The following IL1RAPL2 variants were observed in gnomAD, a reference collection of about 807,000 sequenced individuals.
The protein encoded by IL1RAPL2 is X-linked interleukin-1 receptor accessory protein-like 2.
IL1RAPL2 carries 3 observed loss-of-function variants against 44.1 expected under a neutral mutation model. That is an observed-to-expected ratio of 0.07 (90% CI 0.03 to 0.18). The LOEUF is 0.18. Ranked by LOEUF, IL1RAPL2 falls within the 10% of genes least tolerant of loss-of-function variation. The probability of loss-of-function intolerance (pLI) is 1.00; values close to 1 mark genes in which losing one functional copy is unlikely to be tolerated. For missense variants in IL1RAPL2, 391 were observed against 496.4 expected, an observed-to-expected ratio of 0.79 and a Z score of 2.02; for synonymous variants, 181 against 178.8, an observed-to-expected ratio of 1.01 and a Z score of -0.10.
chrX:105,653,555 TTTTCTTCC>T (rs1264721872), intron 6 of IL1RAPL2, among the ~76,000 whole-genome samples: 2 of 109,072 alleles, frequency 1.8e-5, no homozygotes, highest in East Asian at 5.8e-4. Flanking sequence ...CCCTTCCTTT[TTTTCTTCC>T]TTTCTTCCTT....
intron 2 of IL1RAPL2, among the ~76,000 whole-genome samples, chrX:105,062,776 G>C (rs2032091209): frequency 1.8e-5 from 2 of 111,565 alleles, no homozygotes; most frequent in Admixed American, 1.9e-4. Flanking sequence ...TAGCCTGTAA[G>C]GTTTCCACTC....
At chrX:104,991,006 T>A (rs1250998446) in intron 2 of IL1RAPL2, among the ~76,000 whole-genome samples, 4 of 111,211 alleles carry the variant, frequency 3.6e-5, no homozygotes, top group African/African-American at 9.8e-5. Flanking sequence ...ACTAAATGCA[T>A]GAGAATTGGC....
chrX:104,823,890 G>T, intron 2 of IL1RAPL2, among the ~76,000 whole-genome samples: 1 of 111,603 alleles, frequency 9.0e-6, no homozygotes, highest in Non-Finnish European at 1.9e-5. Flanking sequence ...TCTTTCTCTT[G>T]CCTGATTGCC....
intron 8 of IL1RAPL2, 92 bp from the exon 9 acceptor site, chrX:105,748,866 CAG>C (rs2038572396): frequency 3.4e-6 from 3 of 880,027 alleles, no homozygotes; most frequent in Non-Finnish European, 4.7e-6. Context: ...GAAAGGAAAA[CAG>C]AATGTTAGTA....
At chrX:104,660,066 T>A (rs752116265) in intron 2 of IL1RAPL2, among the ~76,000 whole-genome samples, 106 of 111,635 alleles carry the variant, frequency 9.5e-4, no homozygotes, top group Non-Finnish European at 1.6e-3. Context: ...GATCCTGGAG[T>A]GATAAAGATA....
At chrX:105,280,104 G>T (rs1313139477) in intron 5 of IL1RAPL2, among the ~76,000 whole-genome samples, 1 of 111,527 alleles carries the variant, frequency 9.0e-6, no homozygotes, top group Non-Finnish European at 1.9e-5. Context: ...GAACAGAACG[G>T]TGGCCTCAGA....
chrX:104,659,888 A>G (rs1341394696), intron 2 of IL1RAPL2, among the ~76,000 whole-genome samples: 1 of 111,377 alleles, frequency 9.0e-6, no homozygotes, highest in Non-Finnish European at 1.9e-5. Context: ...GATTGGGGGG[A>G]GGTGCTTGGA....
At chrX:104,913,339 T>G (rs1329981228) in intron 2 of IL1RAPL2, among the ~76,000 whole-genome samples, 1 of 111,494 alleles carries the variant, frequency 9.0e-6, no homozygotes, top group Non-Finnish European at 1.9e-5. Flanking sequence ...CATTCAGAAT[T>G]GGGAGTAGGG....
At chrX:104,842,906 G>A (rs770100354) in intron 2 of IL1RAPL2, among the ~76,000 whole-genome samples, 45 of 112,746 alleles carry the variant, frequency 4.0e-4, no homozygotes, top group South Asian at 1.8e-3. Flanking sequence ...GTCCCTTAGC[G>A]GAGCTGGTGC....
chrX:105,156,471 A>G (rs1215084040), intron 2 of IL1RAPL2, among the ~76,000 whole-genome samples: 1 of 112,022 alleles, frequency 8.9e-6, no homozygotes. Context: ...TTGTTGGTTT[A>G]CTTTAAGATT....
chrX:104,922,368 G>A (rs1431015071), intron 2 of IL1RAPL2, among the ~76,000 whole-genome samples: 1 of 112,743 alleles, frequency 8.9e-6, no homozygotes, highest in Non-Finnish European at 1.9e-5. Flanking sequence ...CCACCTACTG[G>A]CCACTAGGGT....
chrX:105,749,673 G>A (rs1353256572), intron 9 of IL1RAPL2, among the ~76,000 whole-genome samples: 3 of 112,130 alleles, frequency 2.7e-5, no homozygotes, highest in South Asian at 3.6e-4. Context: ...AATTCAGAGT[G>A]TAGCTCATAA....
chrX:105,058,723 A>T (rs1192511514), intron 2 of IL1RAPL2, among the ~76,000 whole-genome samples: 1 of 112,215 alleles, frequency 8.9e-6, no homozygotes, highest in Non-Finnish European at 1.9e-5. Context: ...GGAATGTATG[A>T]CTTAGAACAA....
rs1353219180 is a variant in IL1RAPL2 at position 105,767,512 on chromosome X, C to G, written c.1912C>G (p.His638Asp). Residue 638 changes from histidine (H) to aspartate (D), a missense_variant, in exon 11 of 11, where the codon CAC becomes GAC. Physicochemically the swap from His to Asp is moderately conservative, Grantham distance 81. Coordinates refer to ENST00000372582, the MANE Select transcript of IL1RAPL2 (RefSeq NM_017416.2). Reference protein sequence around the residue: ...TTLPVPSLGNHHTYCNLPLTL... With the variant: ...TTLPVPSLGNDHTYCNLPLTL... ...CTTGCCAGTACCTTCCTTAGGCAACCACCATACTTATTGTAACCTGCCTCT... is the reference window on the plus strand; with the variant it reads ...CTTGCCAGTACCTTCCTTAGGCAACGACCATACTTATTGTAACCTGCCTCT... 3 of 1,209,086 alleles carry G rather than the reference C, an allele frequency of 2.5e-6. No individual in the cohort carries two copies. Among genetic ancestry groups the G allele is most frequent in the Non-Finnish European group, 3.4e-6 (3 of 894,755 alleles).
At chrX:105,700,206 C>G (rs2038108573) in intron 6 of IL1RAPL2, among the ~76,000 whole-genome samples, 1 of 111,300 alleles carries the variant, frequency 9.0e-6, no homozygotes, top group Non-Finnish European at 1.9e-5. Flanking sequence ...ACTTTCGGCT[C>G]CATCACTGCA....
At chrX:104,874,082 G>T (rs1272342194) in intron 2 of IL1RAPL2, among the ~76,000 whole-genome samples, 2 of 106,843 alleles carry the variant, frequency 1.9e-5, no homozygotes, top group East Asian at 6.1e-4. Context: ...AAAGTGAATA[G>T]CCGTGTTAAT....
rs1352316345 is a variant in IL1RAPL2, at chrX:104,947,879, A to C, written c.83-247596A>C. On this transcript the variant is annotated intron_variant, in intron 2 of 10. Coordinates refer to ENST00000372582, the MANE Select transcript of IL1RAPL2 (RefSeq NM_017416.2). ...GCCTCCGGCTTTCTTCTTTTGGCTT[A>C]GGATTTACTTGGTGATGTGGGCTCT... 2.7e-5 allele frequency among the ~76,000 whole-genome samples: 3 copies of C among 112,119 alleles called. No homozygotes were observed. In the East Asian group the frequency reaches 8.4e-4, roughly 31 times the overall value.
intron 2 of IL1RAPL2, among the ~76,000 whole-genome samples, chrX:104,920,176 G>C (rs1029524111): frequency 9.0e-6 from 1 of 111,230 alleles, no homozygotes. Context: ...CTGGTCCCTA[G>C]AAATCAAGCA....
At chrX:104,620,476 A>T (rs1929368439) in intron 1 of IL1RAPL2, among the ~76,000 whole-genome samples, 2 of 106,385 alleles carry the variant, frequency 1.9e-5, no homozygotes, top group Non-Finnish European at 3.9e-5. Flanking sequence ...CGTCTCTACT[A>T]AAAAATACAA....
Sources: allele counts gnomAD v4.1 joint callset (sites outside exome capture counted in the v4.1 genomes callset), GRCh38; gene constraint gnomAD v4.1.1; transcripts MANE v1.5; gene names NCBI Gene and HGNC (gene_info 2026-07-23, HGNC 2026-07-21).